Variants in CACUL1 observed in about 807,000 individuals in gnomAD.
CACUL1 encodes the protein CDK2-associated and cullin domain-containing protein 1.
In CACUL1, 13 loss-of-function variants were observed where a neutral mutation model predicts 45.2. The observed-to-expected ratio is 0.29, with a 90% CI of 0.19 to 0.46. The LOEUF (loss-of-function observed/expected upper bound fraction) is 0.46. Ranked by LOEUF, CACUL1 falls within the 20% of genes least tolerant of loss-of-function variation. CACUL1 has a pLI of 1.00. For synonymous variants in CACUL1, 197 were observed against 174.2 expected, an observed-to-expected ratio of 1.13 and a Z score of -1.03; for missense variants, 421 against 471.4, an observed-to-expected ratio of 0.89 and a Z score of 0.99.
chr10:118,710,173 G>A (rs1845471313), intron 3 of CACUL1, among the ~76,000 whole-genome samples: 1 of 151,160 alleles, frequency 6.6e-6, no homozygotes, highest in Non-Finnish European at 1.5e-5. Flanking sequence ...CAACCCTCCT[G>A]CCTCAGCCTC....
chr10:118,705,058 T>A (rs938660448), intron 4 of CACUL1, among the ~76,000 whole-genome samples: 1 of 152,258 alleles, frequency 6.6e-6, no homozygotes, highest in Non-Finnish European at 1.5e-5. Flanking sequence ...ATTCTGATAG[T>A]TGAAATTCAG....
At chr10:118,718,126 C>G (rs1845564793) in intron 3 of CACUL1, among the ~76,000 whole-genome samples, 1 of 152,164 alleles carries the variant, frequency 6.6e-6, no homozygotes, top group Admixed American at 6.5e-5. Context: ...CACTGGAAGA[C>G]AGGCAGGTGA....
chr10:118,721,588 T>C (rs556906715), intron 3 of CACUL1, among the ~76,000 whole-genome samples: 73 of 152,296 alleles, frequency 4.8e-4, no homozygotes, highest in African/African-American at 1.7e-3. Flanking sequence ...TTTGTCTCTG[T>C]GGTCTCTCCT....
At chr10:118,696,537 A>C (rs1309742711) in intron 5 of CACUL1, among the ~76,000 whole-genome samples, 1 of 152,180 alleles carries the variant, frequency 6.6e-6, no homozygotes, top group Non-Finnish European at 1.5e-5. Context: ...CCAGCTACTC[A>C]GGAGGCTGAG....
At chr10:118,692,871 C>A (rs935406020) in intron 6 of CACUL1, 3 of 152,162 alleles carry the variant, frequency 2.0e-5, no homozygotes, top group Non-Finnish European at 4.4e-5. Flanking sequence ...ATAAGCACTG[C>A]AAATGATACA....
chr10:118,701,460 G>T, intron 4 of CACUL1, 52 bp from the exon 5 acceptor site: 1 of 1,022,038 alleles, frequency 9.8e-7, no homozygotes, highest in Non-Finnish European at 1.4e-6. Flanking sequence ...GAAATGATTA[G>T]TCTAATGAAC....
intron 4 of CACUL1, among the ~76,000 whole-genome samples, chr10:118,706,913 A>G (rs1185325277): frequency 6.6e-6 from 1 of 152,182 alleles, no homozygotes; most frequent in Non-Finnish European, 1.5e-5. Flanking sequence ...TGAACATCTC[A>G]TTCACTAGTC....
chr10:118,744,340 C>A (rs1457584582), intron 1 of CACUL1, among the ~76,000 whole-genome samples: 1 of 151,934 alleles, frequency 6.6e-6, no homozygotes, highest in East Asian at 1.9e-4. Context: ...GAGCTGAGAT[C>A]GCGCCATTGC....
intron 3 of CACUL1, among the ~76,000 whole-genome samples, chr10:118,724,111 G>A (rs1845628256): frequency 6.6e-6 from 1 of 152,278 alleles, no homozygotes; most frequent in Non-Finnish European, 1.5e-5. Context: ...TTTAGCAAAT[G>A]AGAAGGCTAG....
chr10:118,751,422 ATTTT>A (rs1189135669), intron 1 of CACUL1, among the ~76,000 whole-genome samples: 1 of 151,922 alleles, frequency 6.6e-6, no homozygotes, highest in African/African-American at 2.4e-5. Flanking sequence ...TATTAAATTT[ATTTT>A]TTCTCTATAT....
At chr10:118,702,806 T>A (rs1374219533) in intron 4 of CACUL1, among the ~76,000 whole-genome samples, 1 of 152,090 alleles carries the variant, frequency 6.6e-6, no homozygotes, top group Non-Finnish European at 1.5e-5. Context: ...GGTCTCAAAC[T>A]CCTGACCTCA....
rs1216639875 is a variant in CACUL1 at position 118,695,296 on chromosome 10, G to A, written c.797-66C>T. ...TGACTGTCAAGATTTCTCTATTACTGTTTCTCCCAAAGACTCCTGAAACAT... is the reference window on the plus strand; with the variant it reads ...TGACTGTCAAGATTTCTCTATTACTATTTCTCCCAAAGACTCCTGAAACAT... On this transcript the variant is annotated intron_variant, in intron 5 of 8. Coordinates refer to ENST00000369151, the MANE Select transcript of CACUL1 (RefSeq NM_153810.5). The A allele has an allele frequency of 3.3e-6, 3 of 904,418 alleles. No homozygotes were observed. The East Asian group carries it at 7.4e-5, about 22-fold the overall frequency. The allele number at this position is 904,418 out of a possible 1,614,324, so 56.0% of individuals were successfully genotyped here. A position where few individuals can be genotyped will look rare whatever the true frequency, so the allele number is the denominator to read the frequency against.
intron 7 of CACUL1, chr10:118,686,905 G>C: frequency 2.2e-6 from 1 of 450,646 alleles, no homozygotes; most frequent in East Asian, 3.7e-5. Context: ...AGAAAATAGA[G>C]GTTCTGACTA....
chr10:118,750,318 G>C (rs1447263329), intron 1 of CACUL1, among the ~76,000 whole-genome samples: 1 of 148,756 alleles, frequency 6.7e-6, no homozygotes, highest in Non-Finnish European at 1.5e-5. Context: ...GAGCGAGACT[G>C]TCTCAAAAAA....
At chr10:118,749,531 C>T (rs1845875828) in intron 1 of CACUL1, among the ~76,000 whole-genome samples, 1 of 152,236 alleles carries the variant, frequency 6.6e-6, no homozygotes, top group Non-Finnish European at 1.5e-5. Context: ...CTAAAACCCA[C>T]AATGAGCCTA....
At chr10:118,689,344 C>G (rs902659483) in intron 7 of CACUL1, among the ~76,000 whole-genome samples, 1 of 152,166 alleles carries the variant, frequency 6.6e-6, no homozygotes, top group Non-Finnish European at 1.5e-5. Context: ...TTACTCTGTG[C>G]AAAGCACCTG....
chr10:118,753,092 T>A (rs966479396), intron 1 of CACUL1, among the ~76,000 whole-genome samples: 6 of 152,252 alleles, frequency 3.9e-5, no homozygotes, highest in African/African-American at 1.4e-4. Context: ...AAAGGAACTT[T>A]ACTAAGGCAA....
chr10:118,688,025 A>T (rs1276983662), intron 7 of CACUL1, among the ~76,000 whole-genome samples: 2 of 152,204 alleles, frequency 1.3e-5, no homozygotes, highest in Non-Finnish European at 2.9e-5. Context: ...AAGGTGATTT[A>T]TTTCCTGCTT....
In CACUL1 at chr10:118,726,549, G is replaced by T. The variant is rs577439935; in HGVS notation, c.597+2746C>A. On this transcript the variant is annotated intron_variant, in intron 3 of 8. Coordinates refer to ENST00000369151, the MANE Select transcript of CACUL1 (RefSeq NM_153810.5). ...GCTGAGATGCTATGGATCCACAGAA[G>T]AAATGCCAATAGTCTGTTCGGTTTT... is the stretch of plus-strand genomic sequence containing the variant. 3.3e-5 allele frequency among the ~76,000 whole-genome samples: 5 copies of T among 152,300 alleles called. No homozygotes were observed. In the East Asian group the frequency reaches 9.6e-4, roughly 29 times the overall value.
Sources: allele counts gnomAD v4.1 joint callset (sites outside exome capture counted in the v4.1 genomes callset), GRCh38; gene constraint gnomAD v4.1.1; transcripts MANE v1.5; gene names NCBI Gene and HGNC (gene_info 2026-07-23, HGNC 2026-07-21).